Variants in ARHGAP15 observed in about 807,000 individuals in gnomAD.
The protein encoded by ARHGAP15 is rho GTPase-activating protein 15.
ARHGAP15 carries 51 observed loss-of-function variants against 63.7 expected under a neutral mutation model. The ratio of observed to expected loss-of-function variants is 0.80; its 90% CI spans 0.64 to 1.01. The LOEUF (loss-of-function observed/expected upper bound fraction) is 1.01, where lower values mean the gene tolerates loss of function less well. Among genes scored for constraint, ARHGAP15 ranks in the 50% least tolerant of loss-of-function variants. ARHGAP15 has a pLI of 0.00. For missense variants in ARHGAP15, 560 were observed against 564.6 expected, an observed-to-expected ratio of 0.99 and a Z score of 0.08; for synonymous variants, 191 against 193.8, an observed-to-expected ratio of 0.99 and a Z score of 0.12.
intron 4 of ARHGAP15, among the ~76,000 whole-genome samples, chr2:143,228,335 A>G (rs1453712255): frequency 6.6e-6 from 1 of 152,142 alleles, no homozygotes; most frequent in African/African-American, 2.4e-5. Flanking sequence ...GTTGAAAAAG[A>G]TATTAGGAGG....
chr2:143,379,795 C>A (rs576497818), intron 6 of ARHGAP15, among the ~76,000 whole-genome samples: 1 of 151,628 alleles, frequency 6.6e-6, no homozygotes, highest in African/African-American at 2.4e-5. Context: ...AAAATAATGA[C>A]TATTTTTTTC....
intron 13 of ARHGAP15, among the ~76,000 whole-genome samples, chr2:143,758,955 G>C (rs968300709): frequency 6.6e-6 from 1 of 152,134 alleles, no homozygotes; most frequent in Non-Finnish European, 1.5e-5. Flanking sequence ...TGAGAACCAC[G>C]GATCGAATTG....
At chr2:143,409,034 T>C (rs983569800) in intron 6 of ARHGAP15, among the ~76,000 whole-genome samples, 1 of 152,034 alleles carries the variant, frequency 6.6e-6, no homozygotes, top group Admixed American at 6.6e-5. Context: ...ATGACATTGT[T>C]TAATTATGAG....
intron 6 of ARHGAP15, among the ~76,000 whole-genome samples, chr2:143,338,609 A>G (rs1684916698): frequency 6.6e-6 from 1 of 152,160 alleles, no homozygotes; most frequent in Admixed American, 6.6e-5. Flanking sequence ...AAATAATAAG[A>G]GTAGAGAGAC....
rs987263381 is a variant in ARHGAP15, at chr2:143,255,303, TATC to T, written c.474+4706_474+4708del. ...ACCACCAATTTGTAACCTCAACAAA[TATC>T]ATGGTCACATTTCCTGGATTTGAGA... On this transcript the variant is annotated intron_variant, in intron 6 of 13. Coordinates refer to ENST00000295095, the MANE Select transcript of ARHGAP15 (RefSeq NM_018460.4). Among the ~76,000 whole-genome samples, 4 of 152,024 alleles carry T rather than the reference TATC, an allele frequency of 2.6e-5. No individual in the cohort carries two copies. In the South Asian group the frequency reaches 6.2e-4, roughly 24 times the overall value.
At chr2:143,765,109 ATGTGTGTGTGTGTGTGTGTGTG>A (rs60894627) in intron 13 of ARHGAP15, among the ~76,000 whole-genome samples, 3 of 147,624 alleles carry the variant, frequency 2.0e-5, no homozygotes, top group Admixed American at 1.4e-4. Context: ...CCTCTAAAAT[ATGTGTGTGTGTGTGTGTGTGTG>A]TGTGTGTGTG....
chr2:143,590,425 C>T (rs4594385), intron 11 of ARHGAP15, among the ~76,000 whole-genome samples: 123,301 of 152,102 alleles, frequency 0.81, 50,091 homozygotes, highest in South Asian at 0.83. Flanking sequence ...CAAAGACTGA[C>T]GCCATGATAG....
At chr2:143,622,110 T>C (rs1698666961) in intron 11 of ARHGAP15, among the ~76,000 whole-genome samples, 1 of 152,148 alleles carries the variant, frequency 6.6e-6, no homozygotes, top group African/African-American at 2.4e-5. Context: ...AAGCAATAAG[T>C]TGTACAACAT....
chr2:143,267,722 G>C (rs946664445), intron 6 of ARHGAP15, among the ~76,000 whole-genome samples: 1 of 152,104 alleles, frequency 6.6e-6, no homozygotes, highest in African/African-American at 2.4e-5. Flanking sequence ...CATTTTTAAA[G>C]ATATAAAGTG....
chr2:143,519,441 CCTGATTTGT>C, intron 10 of ARHGAP15, 77 bp downstream of exon 10: 1 of 1,142,490 alleles, frequency 8.8e-7, no homozygotes, highest in Non-Finnish European at 1.3e-6. Context: ...AGCAGTGCCA[CCTGATTTGT>C]CTGAGAAGCC....
chr2:143,319,326 G>T (rs748654531), intron 6 of ARHGAP15, among the ~76,000 whole-genome samples: 1 of 151,428 alleles, frequency 6.6e-6, no homozygotes, highest in Non-Finnish European at 1.5e-5. Context: ...GCAGGTTCAT[G>T]CAATTCTCCC....
At position 143,767,972 on chromosome 2, in the gene ARHGAP15, T is replaced by G; in HGVS notation, c.1245-17T>G. 6.2e-7 allele frequency: 1 copy of G among 1,600,838 alleles called. No individual in the cohort carries two copies. Among genetic ancestry groups the G allele is most frequent in the Non-Finnish European group, 8.5e-7 (1 of 1,174,332 alleles). ...TCAAACTCCAGTGAAATTATTTTTT[T>G]TTCTCTCTCTCCACAGGATAGTGGC... On this transcript the variant is annotated splice_polypyrimidine_tract_variant and intron_variant, in intron 13 of 13. Transcript: ENST00000295095.
intron 6 of ARHGAP15, among the ~76,000 whole-genome samples, chr2:143,382,372 G>A (rs1265181460): frequency 6.6e-6 from 1 of 152,132 alleles, no homozygotes; most frequent in African/African-American, 2.4e-5. Flanking sequence ...GTGGACAGCT[G>A]CCAATCTTTG....
Position 143,768,204 on chromosome 2 carries a change from T to C in ARHGAP15, c.*32T>C. The C allele has an allele frequency of 6.4e-7, 1 of 1,560,518 alleles. No individual in the cohort carries two copies. Among genetic ancestry groups the C allele is most frequent in the Non-Finnish European group, 8.7e-7 (1 of 1,148,682 alleles). ...AGACAAGCTACTGAATACGTTCACA[T>C]CTGTCTTGATGCCTAATATTTTTAC... On this transcript the variant is annotated 3_prime_UTR_variant, in exon 14 of 14. Transcript: ENST00000295095.
chr2:143,658,369 C>T (rs185518757), intron 12 of ARHGAP15, among the ~76,000 whole-genome samples: 120 of 152,320 alleles, frequency 7.9e-4, no homozygotes, highest in African/African-American at 2.8e-3. Context: ...ATACTCTTAA[C>T]CATTATGTTC....
intron 6 of ARHGAP15, among the ~76,000 whole-genome samples, chr2:143,385,646 A>T (rs1687253967): frequency 1.3e-5 from 2 of 152,148 alleles, no homozygotes; most frequent in Admixed American, 1.3e-4. Context: ...ACTCAGTGTA[A>T]CCATTATCTA....
At chr2:143,586,022 C>T (rs914794014) in intron 11 of ARHGAP15, among the ~76,000 whole-genome samples, 1 of 152,086 alleles carries the variant, frequency 6.6e-6, no homozygotes, top group Non-Finnish European at 1.5e-5. Flanking sequence ...TGGTCTTATA[C>T]TGGAAGAGCA....
chr2:143,606,420 A>G (rs1698034318), intron 11 of ARHGAP15, among the ~76,000 whole-genome samples: 1 of 152,196 alleles, frequency 6.6e-6, no homozygotes, highest in South Asian at 2.1e-4. Context: ...CACTATATCA[A>G]TATTATTGTT....
intron 13 of ARHGAP15, among the ~76,000 whole-genome samples, chr2:143,706,207 A>G (rs1684318820): frequency 6.6e-6 from 1 of 152,212 alleles, no homozygotes; most frequent in Admixed American, 6.5e-5. Flanking sequence ...AGTTTTTGAT[A>G]AACAGCCAAT....
Sources: gnomAD v4.1 joint callset for allele counts (sites outside exome capture counted in the v4.1 genomes callset) on GRCh38, gnomAD v4.1.1 for gene constraint, MANE v1.5 for transcripts, NCBI Gene and HGNC (gene_info 2026-07-23, HGNC 2026-07-21) for gene names.